Variants in TMIGD3 observed in about 807,000 individuals in gnomAD.
The protein encoded by TMIGD3 is transmembrane and immunoglobulin domain containing 3.
A neutral mutation model predicts 28.1 loss-of-function variants in TMIGD3; 21 were observed. That is an observed-to-expected ratio of 0.75 (90% CI 0.53 to 1.08). The LOEUF (loss-of-function observed/expected upper bound fraction) is 1.08. TMIGD3 is among the 50% of genes least tolerant of loss of function. The pLI, the probability that TMIGD3 is intolerant of heterozygous loss-of-function variation, is 0.00. For missense variants in TMIGD3, 416 were observed against 435.6 expected (o/e 0.96, Z 0.40); for synonymous variants, 151 against 162.1 (o/e 0.93, Z 0.52).
chr1:111,500,611 G>A lies in TMIGD3; in HGVS notation c.350+2394C>T, dbSNP rs1312129019. 4.5e-6 allele frequency: 7 copies of A among 1,540,160 alleles called. No individual in the cohort carries two copies. The East Asian group carries it at 6.8e-5, about 15-fold the overall frequency. ...ACAGCAGTAATTGCTAAAGGGTAGG[G>A]GAGATGGAGCTGGTAAAGGAGAGAG... is the stretch of plus-strand genomic sequence containing the variant. On this transcript the variant is annotated intron_variant, in intron 1 of 5. Transcript: ENST00000369716.
intron 1 of TMIGD3, among the ~76,000 whole-genome samples, chr1:111,546,472 C>CT (rs1657037758): frequency 6.6e-6 from 1 of 152,108 alleles, no homozygotes; most frequent in Admixed American, 6.5e-5. Context: ...CTTTCTGTCT[C>CT]TGTGAATTGG....
At chr1:111,491,735 T>C (rs890936558) in intron 1 of TMIGD3, among the ~76,000 whole-genome samples, 1 of 152,224 alleles carries the variant, frequency 6.6e-6, no homozygotes, top group African/African-American at 2.4e-5. Flanking sequence ...AAGGAGAATC[T>C]ATGAATCAAA....
intron 1 of TMIGD3, among the ~76,000 whole-genome samples, chr1:111,512,445 T>C (rs1655722078): frequency 6.6e-6 from 1 of 152,380 alleles, no homozygotes; most frequent in Non-Finnish European, 1.5e-5. Flanking sequence ...CTTTCTTATT[T>C]TGAACTCTGT....
At chr1:111,535,896 G>A (rs376717624) in intron 1 of TMIGD3, among the ~76,000 whole-genome samples, 3 of 152,182 alleles carry the variant, frequency 2.0e-5, no homozygotes, top group East Asian at 3.8e-4. Context: ...CATTGTATGA[G>A]GAGAGAGCAT....
At chr1:111,498,664 A>G (rs1655001760) in intron 1 of TMIGD3, among the ~76,000 whole-genome samples, 1 of 152,250 alleles carries the variant, frequency 6.6e-6, no homozygotes, top group Non-Finnish European at 1.5e-5. Context: ...AACTATGGAC[A>G]AGTTACTTAA....
At chr1:111,542,962 G>A (rs1656893482) in intron 1 of TMIGD3, among the ~76,000 whole-genome samples, 1 of 152,144 alleles carries the variant, frequency 6.6e-6, no homozygotes, top group Non-Finnish European at 1.5e-5. Context: ...CTCCCAAAGT[G>A]CTGGGATTAC....
intron 1 of TMIGD3, among the ~76,000 whole-genome samples, chr1:111,492,719 C>T (rs913787825): frequency 1.3e-5 from 2 of 150,342 alleles, no homozygotes; most frequent in African/African-American, 4.9e-5. Flanking sequence ...GAGGCTGAGG[C>T]AGGAGAATCG....
chr1:111,508,015 A>G (rs1376718614), upstream of TMIGD3, among the ~76,000 whole-genome samples: 2 of 152,222 alleles, frequency 1.3e-5, no homozygotes, highest in Non-Finnish European at 2.9e-5. Flanking sequence ...GGCCAATCCA[A>G]GGAGCCCAAG....
chr1:111,563,851 C>G, exon 1 of TMIGD3: 3 of 1,612,662 alleles, frequency 1.9e-6, no homozygotes, highest in Non-Finnish European at 2.5e-6. Context: ...CTCACTGTGA[C>G]TCAGGACTCA....
intron 1 of TMIGD3, among the ~76,000 whole-genome samples, chr1:111,495,534 C>G (rs547507907): frequency 6.6e-6 from 1 of 152,284 alleles, no homozygotes; most frequent in East Asian, 1.9e-4. Context: ...ATTAGTTCAA[C>G]TAGTATACTA....
chr1:111,513,230 C>G (rs903721909), intron 1 of TMIGD3, among the ~76,000 whole-genome samples: 14 of 152,158 alleles, frequency 9.2e-5, no homozygotes, highest in Non-Finnish European at 8.8e-5. Flanking sequence ...TTTTAGAAGG[C>G]CTGGCGGATC....
chr1:111,518,054 T>C (rs1447140127), intron 1 of TMIGD3, among the ~76,000 whole-genome samples: 2 of 152,214 alleles, frequency 1.3e-5, no homozygotes, highest in Non-Finnish European at 2.9e-5. Flanking sequence ...CAAGAACACA[T>C]ATGCAGTTCA....
At chr1:111,487,433 C>A (rs546804618) in intron 3 of TMIGD3, among the ~76,000 whole-genome samples, 5 of 151,892 alleles carry the variant, frequency 3.3e-5, no homozygotes, top group Non-Finnish European at 7.4e-5. Context: ...TTCCTACCAG[C>A]ATTGTGCTCT....
intron 1 of TMIGD3, among the ~76,000 whole-genome samples, chr1:111,548,011 TG>T (rs759321497): frequency 1.3e-4 from 20 of 152,294 alleles, no homozygotes; most frequent in Non-Finnish European, 2.5e-4. Flanking sequence ...CCACTTTTTT[TG>T]TTTGTTTGTT....
intron 1 of TMIGD3, among the ~76,000 whole-genome samples, chr1:111,524,004 C>G (rs1656168096): frequency 7.5e-6 from 1 of 134,212 alleles, no homozygotes; most frequent in African/African-American, 2.8e-5. Context: ...GTTTACTCTT[C>G]TTGTTTCTTT....
At chr1:111,503,850 G>A (rs1274355050), upstream of TMIGD3, 6 of 996,590 alleles carry the variant, frequency 6.0e-6, no homozygotes, top group East Asian at 3.1e-4. Context: ...GAGAAGGCTC[G>A]AGACAAGATT....
intron 1 of TMIGD3, among the ~76,000 whole-genome samples, chr1:111,524,361 A>G (rs1228962446): frequency 6.6e-6 from 1 of 151,610 alleles, no homozygotes; most frequent in East Asian, 1.9e-4. Flanking sequence ...AAATTGAGGA[A>G]ATCTATTTGA....
intron 1 of TMIGD3, among the ~76,000 whole-genome samples, chr1:111,562,428 T>C (rs1359292801): frequency 6.6e-6 from 1 of 152,196 alleles, no homozygotes; most frequent in Non-Finnish European, 1.5e-5. Context: ...CAAATAACCA[T>C]AGAAATAAAA....
At chr1:111,518,357 A>G (rs1655935031) in intron 1 of TMIGD3, among the ~76,000 whole-genome samples, 1 of 152,224 alleles carries the variant, frequency 6.6e-6, no homozygotes, top group Non-Finnish European at 1.5e-5. Context: ...CCTCAACCCT[A>G]TTGACATTGT....
Sources: allele counts gnomAD v4.1 joint callset (sites outside exome capture counted in the v4.1 genomes callset), GRCh38; gene constraint gnomAD v4.1.1; transcripts MANE v1.5; gene names NCBI Gene and HGNC (gene_info 2026-07-23, HGNC 2026-07-21).